CTTNBP2: variants seen among roughly 807,000 people sequenced by gnomAD.
CTTNBP2 encodes cortactin binding protein 2, also known as cortactin-binding protein 2.
Under a neutral mutation model 156.9 loss-of-function variants are expected in CTTNBP2, and 108 were observed. That is an observed-to-expected ratio of 0.69 (90% CI 0.59 to 0.81). The LOEUF is 0.81. Among genes scored for constraint, CTTNBP2 ranks in the 30% least tolerant of loss-of-function variants. The pLI is 0.00. For missense variants in CTTNBP2, 1,924 were observed against 2,035.4 expected, an observed-to-expected ratio of 0.95 and a Z score of 1.05; for synonymous variants, 767 against 751.8, an observed-to-expected ratio of 1.02 and a Z score of -0.33.
intron 2 of CTTNBP2, among the ~76,000 whole-genome samples, chr7:117,813,317 G>A (rs1355215015): frequency 6.6e-6 from 1 of 152,084 alleles, no homozygotes; most frequent in Non-Finnish European, 1.5e-5. Flanking sequence ...TGAAGACATG[G>A]GCTTTTTGTT....
At chr7:117,715,454 C>T (rs1458268603) in intron 22 of CTTNBP2, among the ~76,000 whole-genome samples, 2 of 138,714 alleles carry the variant, frequency 1.4e-5, no homozygotes, top group Non-Finnish European at 3.0e-5. Context: ...TCCCCTCAGA[C>T]TAGAGTCCAG....
intron 2 of CTTNBP2, among the ~76,000 whole-genome samples, chr7:117,849,209 G>A (rs1289970808): frequency 6.6e-6 from 1 of 152,144 alleles, no homozygotes; most frequent in East Asian, 1.9e-4. Flanking sequence ...CGATTTCACC[G>A]CAAACCCGAT....
At chr7:117,783,581 A>G (rs1264121265) in intron 5 of CTTNBP2, among the ~76,000 whole-genome samples, 1 of 152,166 alleles carries the variant, frequency 6.6e-6, no homozygotes, top group Non-Finnish European at 1.5e-5. Flanking sequence ...GGTGATTATG[A>G]AGAATTCTAG....
intron 2 of CTTNBP2, among the ~76,000 whole-genome samples, chr7:117,811,288 C>CT (rs571698967): frequency 6.6e-6 from 1 of 152,022 alleles, no homozygotes; most frequent in African/African-American, 2.4e-5. Context: ...AAGCAGCAGT[C>CT]TTTTTTTACA....
chr7:117,782,615 G>A (rs1240980601), intron 6 of CTTNBP2, among the ~76,000 whole-genome samples: 1 of 152,154 alleles, frequency 6.6e-6, no homozygotes, highest in Non-Finnish European at 1.5e-5. Flanking sequence ...ATCTTCCAAA[G>A]AAAGTTCATT....
chr7:117,840,973 T>TG (rs1802234264), intron 2 of CTTNBP2, among the ~76,000 whole-genome samples: 1 of 152,204 alleles, frequency 6.6e-6, no homozygotes, highest in Non-Finnish European at 1.5e-5. Context: ...TTTGTTTATG[T>TG]GGGTTATAGC....
At chr7:117,779,636 C>T (rs1798294567) in intron 7 of CTTNBP2, among the ~76,000 whole-genome samples, 1 of 151,532 alleles carries the variant, frequency 6.6e-6, no homozygotes, top group Non-Finnish European at 1.5e-5. Flanking sequence ...AAACTGTTTT[C>T]TCAGATTTTC....
intron 2 of CTTNBP2, among the ~76,000 whole-genome samples, chr7:117,855,430 T>C (rs994602698): frequency 6.6e-6 from 1 of 152,068 alleles, no homozygotes; most frequent in African/African-American, 2.4e-5. Flanking sequence ...GCAAAATCAG[T>C]TTTAAAAATA....
At chr7:117,752,570 C>G (rs1398104142) in intron 12 of CTTNBP2, among the ~76,000 whole-genome samples, 1 of 152,058 alleles carries the variant, frequency 6.6e-6, no homozygotes, top group Non-Finnish European at 1.5e-5. Context: ...AAAACAGAAA[C>G]AGAAACAGAA....
chr7:117,734,769 C>T, intron 16 of CTTNBP2, 144 bp downstream of exon 16: 1 of 534,802 alleles, frequency 1.9e-6, no homozygotes, highest in East Asian at 3.2e-5. Flanking sequence ...GTTTCACATT[C>T]ATTATGTTTT....
chr7:117,847,483 T>C (rs1802658103), intron 2 of CTTNBP2, among the ~76,000 whole-genome samples: 1 of 152,126 alleles, frequency 6.6e-6, no homozygotes, highest in Non-Finnish European at 1.5e-5. Flanking sequence ...TGCAGTGAGC[T>C]AAGATCATGC....
At chr7:117,731,984 G>A (rs1167437858) in intron 16 of CTTNBP2, among the ~76,000 whole-genome samples, 2 of 152,092 alleles carry the variant, frequency 1.3e-5, no homozygotes, top group South Asian at 2.1e-4. Context: ...GAACATAAGT[G>A]TTCAAAAAAG....
At chr7:117,780,839 G>A (rs931964237) in intron 6 of CTTNBP2, among the ~76,000 whole-genome samples, 2 of 152,062 alleles carry the variant, frequency 1.3e-5, no homozygotes, top group African/African-American at 2.4e-5. Flanking sequence ...GCTAATACCT[G>A]CTTTATGACA....
intron 1 of CTTNBP2, among the ~76,000 whole-genome samples, chr7:117,868,101 C>T (rs1262083791): frequency 2.0e-5 from 3 of 152,180 alleles, no homozygotes; most frequent in Admixed American, 1.3e-4. Flanking sequence ...TCAAATAAAA[C>T]AAACATCTAT....
chr7:117,840,650 G>C (rs1802216552), intron 2 of CTTNBP2, among the ~76,000 whole-genome samples: 1 of 152,190 alleles, frequency 6.6e-6, no homozygotes, highest in African/African-American at 2.4e-5. Flanking sequence ...TTAGTTTGCT[G>C]TGGCTGCAAA....
chr7:117,725,032 C>T lies in CTTNBP2; in HGVS notation c.4261+20G>A. The T allele has an allele frequency of 6.2e-7, 1 of 1,608,432 alleles. No individual in the cohort carries two copies. The highest frequency in any genetic ancestry group is 8.5e-7 in the Non-Finnish European group (1 of 1,176,546). On this transcript the variant is annotated intron_variant, in intron 18 of 22. Coordinates refer to ENST00000160373, the MANE Select transcript of CTTNBP2 (RefSeq NM_033427.3). ...CACAAGGGTGTGAATTTCCTCTCCT[C>T]TCTGCAGAAACCCACATACCTGCTC...
chr7:117,866,249 G>A (rs1804187292), intron 1 of CTTNBP2, among the ~76,000 whole-genome samples: 1 of 152,072 alleles, frequency 6.6e-6, no homozygotes. Flanking sequence ...AGGTTTATGT[G>A]GGGAATTCAA....
At chr7:117,774,193 T>A (rs572227171) in intron 8 of CTTNBP2, among the ~76,000 whole-genome samples, 1 of 152,230 alleles carries the variant, frequency 6.6e-6, no homozygotes, top group East Asian at 1.9e-4. Context: ...CCGATGACAT[T>A]TAATGGTGGT....
In CTTNBP2 at chr7:117,733,633, T is replaced by A. The variant is rs576318891; in HGVS notation, c.3876+1280A>T. ...GGCTAGGCTTTGGCCAAAAGCATAA[T>A]ATTTATGACCAAGTAACTGATTTAA... On this transcript the variant is annotated intron_variant, in intron 16 of 22. Coordinates refer to ENST00000160373, the MANE Select transcript of CTTNBP2 (RefSeq NM_033427.3). Among the ~76,000 whole-genome samples the A allele has an allele frequency of 3.3e-5, 5 of 152,334 alleles. 1 individual carries two copies. The highest frequency in any genetic ancestry group is 3.3e-4 in the Admixed American group (5 of 15,298).
Sources: allele counts gnomAD v4.1 joint callset (sites outside exome capture counted in the v4.1 genomes callset), GRCh38; gene constraint gnomAD v4.1.1; transcripts MANE v1.5; gene names NCBI Gene and HGNC (gene_info 2026-07-23, HGNC 2026-07-21).